SYMPK: variants seen among roughly 807,000 people sequenced by gnomAD.
SYMPK encodes the protein symplekin scaffold protein.
A neutral mutation model predicts 136.4 loss-of-function variants in SYMPK; 49 were observed. That is an observed-to-expected ratio of 0.36 (90% CI 0.29 to 0.46). The LOEUF is 0.46. Among genes scored for constraint, SYMPK ranks in the 20% least tolerant of loss-of-function variants. The pLI is 1.00. For missense variants in SYMPK, 1,365 were observed against 1,690.0 expected, an observed-to-expected ratio of 0.81 and a Z score of 3.37; for synonymous variants, 766 against 713.0, an observed-to-expected ratio of 1.07 and a Z score of -1.19.
intron 9 of SYMPK, 136 bp from the exon 10 acceptor site, chr19:45,838,751 T>A: frequency 2.0e-6 from 2 of 992,630 alleles, no homozygotes; most frequent in Non-Finnish European, 2.9e-6. Flanking sequence ...AGATCCAGGC[T>A]GCAGCTCTGC....
At chr19:45,823,973 A>T in intron 18 of SYMPK, 98 bp from the exon 19 acceptor site, 26 of 764,348 alleles carry the variant, frequency 3.4e-5, no homozygotes, top group East Asian at 6.0e-5. Context: ...GCTGGCGCCC[A>T]GGGTGAGACT....
At chr19:45,860,227 G>A (rs908562145) in intron 1 of SYMPK, among the ~76,000 whole-genome samples, 6 of 151,958 alleles carry the variant, frequency 3.9e-5, no homozygotes, top group African/African-American at 1.2e-4. Context: ...AGGCCAAGGC[G>A]GGTGGATCAC....
intron 16 of SYMPK, among the ~76,000 whole-genome samples, 193 bp downstream of exon 16, chr19:45,827,317 G>C (rs1373083378): frequency 6.6e-6 from 1 of 151,866 alleles, no homozygotes; most frequent in Non-Finnish European, 1.5e-5. Flanking sequence ...GGTAACCCTG[G>C]TTTCTAGGCA....
chr19:45,854,464 C>T lies in SYMPK; in HGVS notation c.32G>A (p.Arg11His), dbSNP rs1971773427. The T allele has an allele frequency of 3.1e-6, 5 of 1,614,046 alleles. No individual in the cohort carries two copies. Among genetic ancestry groups the T allele is most frequent in the Non-Finnish European group, 4.2e-6 (5 of 1,180,030 alleles). MASGSGDSVT[R>H]RSVASQFFTQ... is the part of the protein sequence containing the mutation. ...GAAAAACTGTGATGCCACGCTCCGACGGGTGACGCTGTCTCCACTGCCGCT... is the reference window on the plus strand; with the variant it reads ...GAAAAACTGTGATGCCACGCTCCGATGGGTGACGCTGTCTCCACTGCCGCT... Residue 11 changes from arginine to histidine, a missense_variant, in exon 2 of 27, where the codon CGT becomes CAT. By Grantham distance (29) the Arg-to-His change is conservative. Coordinates refer to ENST00000245934, the MANE Select transcript of SYMPK (RefSeq NM_004819.3).
intron 10 of SYMPK, 98 bp downstream of exon 10, chr19:45,838,363 C>T (rs1446985406): frequency 7.1e-7 from 1 of 1,402,356 alleles, no homozygotes; most frequent in Non-Finnish European, 9.6e-7. Flanking sequence ...TAGGAGGGTA[C>T]TCTGGAGGAG....
In SYMPK at chr19:45,828,099, T is replaced by C. The variant is rs1971088877; in HGVS notation, c.1986-181A>G. ...GGTTCAAAAGCTGGCGGCTGGATGA[T>C]CTGGGCAGAGACTGCACCTCTCTGA... On this transcript the variant is annotated intron_variant, in intron 14 of 26. Transcript: ENST00000245934. 5 of 589,858 alleles carry C rather than the reference T, an allele frequency of 8.5e-6. No individual in the cohort carries two copies. In the East Asian group the frequency reaches 1.4e-4, roughly 17 times the overall value. 36.5% of individuals were successfully genotyped at this position (589,858 alleles called of 1,614,324 possible).
At chr19:45,820,196 AC>A (rs1274111575) in intron 22 of SYMPK, 10 of 151,974 alleles carry the variant, frequency 6.6e-5, no homozygotes, top group African/African-American at 2.4e-4. Flanking sequence ...GTATGTGTGA[AC>A]CCCCTCAAAC....
chr19:45,833,115 AT>A (rs1971223894), intron 11 of SYMPK, among the ~76,000 whole-genome samples: 1 of 152,080 alleles, frequency 6.6e-6, no homozygotes, highest in Non-Finnish European at 1.5e-5. Flanking sequence ...ATGCAGGAGA[AT>A]CGCTTGAATC....
intron 9 of SYMPK, among the ~76,000 whole-genome samples, chr19:45,841,149 A>C (rs1208414234): frequency 6.6e-6 from 1 of 151,888 alleles, no homozygotes; most frequent in Non-Finnish European, 1.5e-5. Context: ...ACGCCTGGCT[A>C]ATTTTTGTAT....
intron 1 of SYMPK, among the ~76,000 whole-genome samples, chr19:45,858,553 T>C (rs1407679934): frequency 6.6e-6 from 1 of 152,198 alleles, no homozygotes; most frequent in Non-Finnish European, 1.5e-5. Flanking sequence ...TTCCCTCTTA[T>C]TGCCCAGGCT....
chr19:45,815,860 G>T lies in SYMPK; in HGVS notation c.3678C>A (p.Pro1226=). 1 of 1,611,808 alleles carries T rather than the reference G, an allele frequency of 6.2e-7. No individual in the cohort carries two copies. Among genetic ancestry groups the T allele is most frequent in the Non-Finnish European group, 8.5e-7 (1 of 1,179,660 alleles). Residue 1226 remains proline, a synonymous_variant, in exon 26 of 27, where the codon CCC becomes CCA. Transcript: ENST00000245934. ...AALLDSSLEG[P]LPKETAAGGL... ...AGGCTGCTCTCCCTACCTTGGGTAG[G>T]GGGCCCTCGAGACTAGAGTCCAACA...
chr19:45,829,107 C>CA lies in SYMPK; in HGVS notation c.1847dup (p.Asp617GlyfsTer27), dbSNP rs1255620476. 1 of 1,614,224 alleles carries CA rather than the reference C, an allele frequency of 6.2e-7. No homozygotes were observed. Among genetic ancestry groups the CA allele is most frequent in the South Asian group, 1.1e-5 (1 of 91,086 alleles). The stretch of plus-strand genomic sequence containing the variant: ...GGTAGAGCCAGGCGAAGGCCAGGTC[C>CA]AGGCGGGCCCGCACATCCTCCAGGA... On this transcript the variant is annotated frameshift_variant, in exon 14 of 27. Transcript: ENST00000245934. LOFTEE classifies it high-confidence loss of function.
Position 45,830,170 on chromosome 19 carries a change from G to A in SYMPK, c.1633C>T (p.Arg545Cys), listed in dbSNP as rs1377300216. The A allele has an allele frequency of 5.7e-5, 92 of 1,609,614 alleles. No homozygotes were observed. The highest frequency in any genetic ancestry group is 7.3e-5 in the Non-Finnish European group (86 of 1,177,818). Residue 545 changes from arginine (R) to cysteine (C), a missense_variant, in exon 13 of 27, where the codon CGT (arginine) becomes TGT (cysteine). By Grantham distance (180) the Arg-to-Cys change is radical. Coordinates refer to ENST00000245934, the MANE Select transcript of SYMPK (RefSeq NM_004819.3). The stretch of plus-strand genomic sequence containing the variant: ...AGGGGCTTCAGCACGTCGCTGAGAC[G>A]GAAAATTTTCTTGCGCCCACCAGCG... ...AGAGGRKKIF[R>C]LSDVLKPLTD...
intron 18 of SYMPK, among the ~76,000 whole-genome samples, chr19:45,824,925 G>C (rs992576755): frequency 2.0e-5 from 3 of 152,254 alleles, no homozygotes; most frequent in African/African-American, 7.2e-5. Context: ...CAAGGTCGCA[G>C]TGAGAAAGCG....
At chr19:45,849,829 T>G (rs1971654867) in intron 5 of SYMPK, among the ~76,000 whole-genome samples, 2 of 152,096 alleles carry the variant, frequency 1.3e-5, no homozygotes, top group South Asian at 4.1e-4. Context: ...GTGGGTCACC[T>G]GAGGTCAGGA....
chr19:45,848,069 C>T, intron 6 of SYMPK, 68 bp from the exon 7 acceptor site: 1 of 1,501,852 alleles, frequency 6.7e-7, no homozygotes, highest in Non-Finnish European at 9.0e-7. Context: ...CAATCACCAA[C>T]ACCCTCTGCC....
rs751965375 is a variant in SYMPK, at chr19:45,825,186, C to T, written c.2475G>A (p.Arg825=). The T allele has an allele frequency of 2.5e-6, 4 of 1,613,660 alleles. No individual in the cohort carries two copies. The highest frequency in any genetic ancestry group is 1.7e-4 in the Middle Eastern group (1 of 6,048). ...AIADIKRTVL[R]VIEQPIRGMG... ...GGGGCCTCACCGGCTGCTCAATGAC[C>T]CTCAGCACCGTCCGCTTGATGTCGG... The change falls in exon 18 of 27, where the codon AGG becomes AGA. Residue 825 remains arginine (R), a synonymous_variant. Transcript: ENST00000245934.
intron 11 of SYMPK, among the ~76,000 whole-genome samples, chr19:45,832,611 A>G (rs531310299): frequency 6.6e-6 from 1 of 152,314 alleles, no homozygotes; most frequent in African/African-American, 2.4e-5. Context: ...CAGGTCCATC[A>G]ATACCGGTGT....
At chr19:45,823,287 C>T in intron 20 of SYMPK, 85 bp downstream of exon 20, 2 of 1,390,314 alleles carry the variant, frequency 1.4e-6, no homozygotes, top group Non-Finnish European at 2.0e-6. Flanking sequence ...TCTGGCTCAA[C>T]TGCTGCTGAA....
Sources: allele counts gnomAD v4.1 joint callset (sites outside exome capture counted in the v4.1 genomes callset), GRCh38; gene constraint gnomAD v4.1.1; transcripts MANE v1.5; gene names NCBI Gene and HGNC (gene_info 2026-07-23, HGNC 2026-07-21).